Variants in TENM2 observed in about 807,000 individuals in gnomAD.
TENM2 encodes the protein teneurin-2.
A neutral mutation model predicts 245.2 loss-of-function variants in TENM2; 52 were observed. That is an observed-to-expected ratio of 0.21 (90% CI 0.17 to 0.27). TENM2 has a LOEUF of 0.27. Among genes scored for constraint, TENM2 ranks in the 10% least tolerant of loss-of-function variants. The probability of loss-of-function intolerance (pLI) is 1.00; values close to 1 mark genes in which losing one functional copy is unlikely to be tolerated. For missense variants in TENM2, 3,046 were observed against 3,666.8 expected (o/e 0.83, Z 4.37); for synonymous variants, 1,363 against 1,438.9 (o/e 0.95, Z 1.19).
At position 168,096,461 on chromosome 5, in the gene TENM2, G is replaced by T. The variant is rs1167243370; in HGVS notation, c.1712-1565G>T. Among the ~76,000 whole-genome samples, 6 of 152,168 alleles carry T rather than the reference G, an allele frequency of 3.9e-5. No individual in the cohort carries two copies. The South Asian group carries it at 1.2e-3, about 32-fold the overall frequency. On this transcript the variant is annotated intron_variant, in intron 8 of 28. Coordinates refer to ENST00000518659, the Ensembl canonical transcript of TENM2. ...ACACATTAAGGAAACTGGCTTGATG[G>T]GGCCTATGGTCTTTTGTCTGATTTT... is the stretch of plus-strand genomic sequence containing the variant.
chr5:167,718,154 T>C (rs1247363508), intron 2 of TENM2, among the ~76,000 whole-genome samples: 1 of 152,200 alleles, frequency 6.6e-6, no homozygotes, highest in Non-Finnish European at 1.5e-5. Flanking sequence ...CCAACTCCTT[T>C]TGCAAAGTCA....
chr5:167,067,394 T>C, the TENM2 span, among the ~76,000 whole-genome samples: 1 of 152,168 alleles, frequency 6.6e-6, no homozygotes, highest in Admixed American at 6.6e-5. Flanking sequence ...TTTGATTGAC[T>C]TGGTGCATCT....
chr5:167,559,353 C>G (rs1261151310), intron 2 of TENM2, among the ~76,000 whole-genome samples: 1 of 152,148 alleles, frequency 6.6e-6, no homozygotes. Flanking sequence ...ATTCTGACCC[C>G]CAGTCAAATC....
chr5:167,167,608 G>A, the TENM2 span, among the ~76,000 whole-genome samples: 2 of 152,154 alleles, frequency 1.3e-5, no homozygotes, highest in African/African-American at 4.8e-5. Context: ...CTGCCAGGAT[G>A]CACTAGGCAG....
At chr5:167,093,090 A>T in the TENM2 span, among the ~76,000 whole-genome samples, 1 of 152,152 alleles carries the variant, frequency 6.6e-6, no homozygotes, top group Non-Finnish European at 1.5e-5. Flanking sequence ...GCTAGAAAAT[A>T]TGGGAGAGTC....
intron 2 of TENM2, among the ~76,000 whole-genome samples, chr5:167,870,555 A>G (rs1323308282): frequency 1.0e-5 from 1 of 99,606 alleles, no homozygotes; most frequent in Non-Finnish European, 1.9e-5. Context: ...ATGTGTATAC[A>G]TATATATATA....
chr5:167,885,880 A>G lies in TENM2; in HGVS notation c.712+9685A>G, dbSNP rs574983040. Among the ~76,000 whole-genome samples the G allele has an allele frequency of 1.1e-4, 16 of 152,192 alleles. No individual in the cohort carries two copies. The East Asian group carries it at 3.1e-3, about 29-fold the overall frequency. ...TGCATTTTTAGTAGAGACTGTTTTC[A>G]CCATGTTGGACAGGCTGGCCTCAAA... On this transcript the variant is annotated intron_variant, in intron 3 of 28. Transcript: ENST00000518659.
chr5:167,065,934 T>C, the TENM2 span, among the ~76,000 whole-genome samples: 947 of 152,268 alleles, frequency 6.2e-3, 2 homozygotes, highest in Non-Finnish European at 9.7e-3. Flanking sequence ...CTGCAGTTAG[T>C]GTGTATTCTG....
intron 2 of TENM2, among the ~76,000 whole-genome samples, chr5:167,766,710 C>G (rs1385329781): frequency 6.6e-6 from 1 of 151,922 alleles, no homozygotes; most frequent in Non-Finnish European, 1.5e-5. Context: ...AACCCCATCT[C>G]TACTAAAAAT....
chr5:167,995,965 G>C (rs901984126), intron 5 of TENM2, among the ~76,000 whole-genome samples: 5 of 152,042 alleles, frequency 3.3e-5, no homozygotes, highest in African/African-American at 4.8e-5. Context: ...GTCCATTCTG[G>C]TTCACACATG....
chr5:167,884,493 C>T (rs1425956133), intron 3 of TENM2, among the ~76,000 whole-genome samples: 1 of 152,188 alleles, frequency 6.6e-6, no homozygotes, highest in Admixed American at 6.5e-5. Flanking sequence ...TGGAATCACA[C>T]AGTACTTGTC....
intron 12 of TENM2, among the ~76,000 whole-genome samples, chr5:168,158,850 T>TATATATATATATATATATATACACACAC (rs1339051385): frequency 1.3e-4 from 8 of 62,322 alleles, no homozygotes; most frequent in Admixed American, 7.0e-4. Flanking sequence ...TATATATATA[T>TATATATATATATATATATATACACACAC]ACACACACAC....
the TENM2 span, among the ~76,000 whole-genome samples, chr5:166,992,528 T>G: frequency 6.6e-6 from 1 of 152,236 alleles, no homozygotes; most frequent in Non-Finnish European, 1.5e-5. Flanking sequence ...CCTGTAGACA[T>G]TGTATTTCAT....
At chr5:167,322,270 G>GA (rs563404481) in intron 1 of TENM2, among the ~76,000 whole-genome samples, 2 of 150,394 alleles carry the variant, frequency 1.3e-5, no homozygotes, top group African/African-American at 4.9e-5. Context: ...TGTTTTGAAA[G>GA]AAAAAACATC....
intron 2 of TENM2, among the ~76,000 whole-genome samples, chr5:167,602,819 G>A (rs1226629718): frequency 2.6e-5 from 4 of 152,094 alleles, no homozygotes; most frequent in Non-Finnish European, 1.5e-5. Flanking sequence ...TAAACAAGGG[G>A]CAAAAGAAAA....
intron 2 of TENM2, among the ~76,000 whole-genome samples, chr5:167,727,443 T>C (rs1760104485): frequency 6.6e-6 from 1 of 152,210 alleles, no homozygotes; most frequent in African/African-American, 2.4e-5. Flanking sequence ...GTTTTTCACA[T>C]GCCTTGTGTC....
chr5:168,035,717 G>T lies in TENM2; in HGVS notation c.1187-11710G>T, dbSNP rs78541475. On this transcript the variant is annotated intron_variant, in intron 5 of 28. Transcript: ENST00000518659. Reference sequence around the variant, plus strand: ...CACCGATTCAAAGGCTGTTTCTGGGGCTGCAGGAGAAGAGAAGTGCCTCTG... The same window carrying T: ...CACCGATTCAAAGGCTGTTTCTGGGTCTGCAGGAGAAGAGAAGTGCCTCTG... 5.6e-3 allele frequency among the ~76,000 whole-genome samples: 856 copies of T among 152,258 alleles called. 8 individuals are homozygous for T. Among genetic ancestry groups the T allele is most frequent in the Non-Finnish European group, 9.1e-3 (620 of 68,016 alleles).
chr5:167,432,031 A>G (rs140545879), intron 2 of TENM2, among the ~76,000 whole-genome samples: 1,540 of 147,846 alleles, frequency 0.01, 53 homozygotes, highest in African/African-American at 0.037. Flanking sequence ...TCTACACTTG[A>G]GAAAAATAAT....
intron 1 of TENM2, among the ~76,000 whole-genome samples, chr5:167,297,003 A>G (rs1268558962): frequency 6.6e-6 from 1 of 152,222 alleles, no homozygotes; most frequent in African/African-American, 2.4e-5. Context: ...CCCAAGACCA[A>G]TTAAATCCCA....
Sources: allele counts gnomAD v4.1 joint callset (sites outside exome capture counted in the v4.1 genomes callset), GRCh38; gene constraint gnomAD v4.1.1; transcripts MANE v1.5; gene names NCBI Gene and HGNC (gene_info 2026-07-23, HGNC 2026-07-21).